MYO1H: variants seen among roughly 807,000 people sequenced by gnomAD.
The protein encoded by MYO1H is unconventional myosin-Ih.
MYO1H carries 118 observed loss-of-function variants against 149.3 expected under a neutral mutation model. The observed-to-expected ratio is 0.79, with a 90% confidence interval of 0.68 to 0.92. The LOEUF (loss-of-function observed/expected upper bound fraction) is 0.92. Ranked by LOEUF, MYO1H falls within the 40% of genes least tolerant of loss-of-function variation. MYO1H has a pLI of 0.00. For synonymous variants in MYO1H, 447 were observed against 465.2 expected (o/e 0.96, Z 0.50); for missense variants, 1,212 against 1,280.7 (o/e 0.95, Z 0.82).
intron 1 of MYO1H, among the ~76,000 whole-genome samples, chr12:109,373,487 CTAT>C (rs1046319493): frequency 3.3e-5 from 5 of 151,898 alleles, no homozygotes; most frequent in African/African-American, 1.2e-4. Context: ...TTTGGTAAAT[CTAT>C]TATTAATAGG....
chr12:109,446,353 G>C, intron 31 of MYO1H: 8 of 985,364 alleles, frequency 8.1e-6, no homozygotes, highest in Non-Finnish European at 9.6e-6. Context: ...AGAGGGAGCT[G>C]AATCTTTAAA....
chr12:109,421,718 C>A (rs1180141280), intron 16 of MYO1H, among the ~76,000 whole-genome samples: 1 of 152,128 alleles, frequency 6.6e-6, no homozygotes, highest in African/African-American at 2.4e-5. Flanking sequence ...CACAAGGCCA[C>A]ATCATGAGGT....
rs1870546238 is a variant in MYO1H, at chr12:109,409,243, C to CTTTTTTTTTTTTTTTTTTTTT, written c.1156-312_1156-311insTTTTTTTTTTTTTTTTTTTTT. 1.0e-4 allele frequency among the ~76,000 whole-genome samples: 6 copies of CTTTTTTTTTTTTTTTTTTTTT among 59,070 alleles called. 1 individual carries two copies. Among genetic ancestry groups the CTTTTTTTTTTTTTTTTTTTTT allele is most frequent in the African/African-American group, 2.9e-4 (5 of 17,222 alleles). The allele number at this position is 59,070 out of a possible 152,430, so 38.8% of individuals were successfully genotyped here. On this transcript the variant is annotated intron_variant, in intron 10 of 31. Transcript: ENST00000310903. ...TCTTCTTTTTCTTCTTCTTCTTCTT[C>CTTTTTTTTTTTTTTTTTTTTT]TTCTTTTTTTTTTTTTTTTTTTTTT...
intron 1 of MYO1H, among the ~76,000 whole-genome samples, chr12:109,364,192 A>G (rs1026748498): frequency 6.6e-6 from 1 of 151,362 alleles, no homozygotes; most frequent in African/African-American, 2.4e-5. Context: ...AAAAAAAAAA[A>G]AAAAAAGAAG....
At chr12:109,331,374 C>T in the MYO1H span, among the ~76,000 whole-genome samples, 1 of 151,588 alleles carries the variant, frequency 6.6e-6, no homozygotes, top group Non-Finnish European at 1.5e-5. Flanking sequence ...AGCTTGAATG[C>T]TTTCCAAGGC....
the MYO1H span, among the ~76,000 whole-genome samples, chr12:109,311,866 A>C: frequency 1.3e-5 from 2 of 152,240 alleles, no homozygotes; most frequent in African/African-American, 2.4e-5. Flanking sequence ...TGCAGAAGAA[A>C]GAAAAAGCAA....
At chr12:109,433,750 T>C (rs943975762) in intron 20 of MYO1H, among the ~76,000 whole-genome samples, 10 of 149,314 alleles carry the variant, frequency 6.7e-5, no homozygotes, top group African/African-American at 2.5e-4. Flanking sequence ...AAGGATCAGT[T>C]ACTTAGTCAG....
At chr12:109,386,484 TTC>T (rs1869316516) in intron 1 of MYO1H, among the ~76,000 whole-genome samples, 2 of 152,370 alleles carry the variant, frequency 1.3e-5, no homozygotes, top group African/African-American at 4.8e-5. Context: ...TGCGAGAGAA[TTC>T]TGTCTGCTCC....
At chr12:109,372,160 G>A (rs1868995966) in intron 1 of MYO1H, among the ~76,000 whole-genome samples, 1 of 152,070 alleles carries the variant, frequency 6.6e-6, no homozygotes, top group African/African-American at 2.4e-5. Flanking sequence ...GTAGTTGAAT[G>A]AACAGTCTGT....
chr12:109,338,360 G>A, the MYO1H span, among the ~76,000 whole-genome samples: 1 of 152,156 alleles, frequency 6.6e-6, no homozygotes, highest in African/African-American at 2.4e-5. Flanking sequence ...AGCTTGAATG[G>A]ATGGCAACTC....
intron 1 of MYO1H, among the ~76,000 whole-genome samples, chr12:109,384,276 T>C (rs1869261133): frequency 6.6e-6 from 1 of 152,224 alleles, no homozygotes; most frequent in Non-Finnish European, 1.5e-5. Context: ...CCCTGCACCA[T>C]GGTTATGCAC....
chr12:109,440,901 C>T (rs567527483), intron 25 of MYO1H, 74 bp downstream of exon 25: 3 of 1,076,228 alleles, frequency 2.8e-6, no homozygotes, highest in African/African-American at 1.6e-5. Flanking sequence ...CAGTCCTCCT[C>T]ATCCACCATT....
chr12:109,428,181 G>C (rs1052496172), intron 19 of MYO1H, among the ~76,000 whole-genome samples: 7 of 151,832 alleles, frequency 4.6e-5, no homozygotes, highest in African/African-American at 1.7e-4. Flanking sequence ...ACAGTCAAGG[G>C]CAAGGCCAAG....
At chr12:109,343,079 A>G (rs2048091882), upstream of MYO1H, among the ~76,000 whole-genome samples, 1 of 152,010 alleles carries the variant, frequency 6.6e-6, no homozygotes, top group Admixed American at 6.5e-5. Context: ...AACATAAGCA[A>G]AAATTAACTC....
intron 7 of MYO1H, among the ~76,000 whole-genome samples, chr12:109,405,508 A>G (rs1274618194): frequency 6.6e-6 from 1 of 152,028 alleles, no homozygotes; most frequent in Non-Finnish European, 1.5e-5. Flanking sequence ...ATGGGGTTTC[A>G]CCATGTTGGC....
At chr12:109,358,571 G>C (rs1868660069) in intron 1 of MYO1H, among the ~76,000 whole-genome samples, 2 of 152,100 alleles carry the variant, frequency 1.3e-5, no homozygotes, top group Admixed American at 1.3e-4. Context: ...TCTTTTCTTT[G>C]AGGGAAAATA....
intron 19 of MYO1H, among the ~76,000 whole-genome samples, chr12:109,427,972 G>C (rs1871450060): frequency 8.1e-6 from 1 of 122,784 alleles, no homozygotes; most frequent in Non-Finnish European, 1.7e-5. Context: ...TGTAGTCCCA[G>C]CTACTCAGAA....
chr12:109,402,865 C>T (rs550775781), intron 6 of MYO1H, among the ~76,000 whole-genome samples: 1 of 152,306 alleles, frequency 6.6e-6, no homozygotes, highest in South Asian at 2.1e-4. Flanking sequence ...AAGGGCTTCT[C>T]TAACCCTTTG....
At chr12:109,386,124 T>C (rs1399249231) in intron 1 of MYO1H, among the ~76,000 whole-genome samples, 1 of 152,190 alleles carries the variant, frequency 6.6e-6, no homozygotes, top group Non-Finnish European at 1.5e-5. Flanking sequence ...TACGACTCTT[T>C]TGTGTCTGGG....
Sources: gnomAD v4.1 joint callset for allele counts (sites outside exome capture counted in the v4.1 genomes callset) on GRCh38, gnomAD v4.1.1 for gene constraint, MANE v1.5 for transcripts, NCBI Gene and HGNC (gene_info 2026-07-23, HGNC 2026-07-21) for gene names.